Variants in GABRB2 observed in about 807,000 individuals in gnomAD.
The protein encoded by GABRB2 is gamma-aminobutyric acid receptor subunit beta-2.
In GABRB2, 16 loss-of-function variants were observed where a neutral mutation model predicts 54.7. The ratio of observed to expected loss-of-function variants is 0.29; its 90% CI spans 0.20 to 0.44. The LOEUF (loss-of-function observed/expected upper bound fraction) is 0.44. Ranked by LOEUF, GABRB2 falls within the 20% of genes least tolerant of loss-of-function variation. GABRB2 has a pLI of 1.00. For synonymous variants in GABRB2, 244 were observed against 233.8 expected (o/e 1.04, Z -0.40); for missense variants, 355 against 644.0 (o/e 0.55, Z 4.86).
intron 4 of GABRB2, among the ~76,000 whole-genome samples, chr5:161,439,158 A>G (rs968083121): frequency 2.0e-5 from 3 of 152,240 alleles, no homozygotes; most frequent in African/African-American, 4.8e-5. Context: ...CATCAAGAGA[A>G]AAACAAACAA....
At chr5:161,379,849 CCA>C (rs1207605599) in intron 5 of GABRB2, among the ~76,000 whole-genome samples, 1 of 152,036 alleles carries the variant, frequency 6.6e-6, no homozygotes, top group Non-Finnish European at 1.5e-5. Context: ...GTTACCAGTG[CCA>C]CAGTGTGAAA....
At chr5:161,342,523 T>C (rs550014233) in intron 5 of GABRB2, among the ~76,000 whole-genome samples, 13 of 152,074 alleles carry the variant, frequency 8.5e-5, no homozygotes, top group Non-Finnish European at 8.8e-5. Flanking sequence ...AAAACAGTAG[T>C]TTAGGAAAAC....
intron 9 of GABRB2, among the ~76,000 whole-genome samples, chr5:161,326,001 C>T (rs986659797): frequency 3.9e-5 from 6 of 152,182 alleles, no homozygotes; most frequent in African/African-American, 1.2e-4. Flanking sequence ...GTTTAATTCA[C>T]CTATTCAATC....
At chr5:161,334,073 T>C (rs562257392) in intron 7 of GABRB2, among the ~76,000 whole-genome samples, 4 of 152,350 alleles carry the variant, frequency 2.6e-5, no homozygotes, top group African/African-American at 9.6e-5. Context: ...AAAGTAATGA[T>C]TGAATTGAGA....
intron 5 of GABRB2, among the ~76,000 whole-genome samples, chr5:161,349,575 C>T (rs1197965027): frequency 6.6e-6 from 1 of 152,024 alleles, no homozygotes; most frequent in Non-Finnish European, 1.5e-5. Flanking sequence ...TGCGGTGTTC[C>T]TTCTGAGATT....
intron 5 of GABRB2, among the ~76,000 whole-genome samples, chr5:161,343,482 C>A (rs974996282): frequency 6.6e-6 from 1 of 151,980 alleles, no homozygotes; most frequent in African/African-American, 2.4e-5. Context: ...GACCATATAT[C>A]TATTAAAATT....
intron 3 of GABRB2, among the ~76,000 whole-genome samples, chr5:161,538,695 G>A (rs1465403160): frequency 1.3e-5 from 2 of 152,038 alleles, no homozygotes; most frequent in African/African-American, 2.4e-5. Flanking sequence ...ATGGTGGCAC[G>A]TGCCTGTAGT....
At chr5:161,426,749 T>C (rs1400093110) in intron 4 of GABRB2, among the ~76,000 whole-genome samples, 1 of 152,120 alleles carries the variant, frequency 6.6e-6, no homozygotes, top group Non-Finnish European at 1.5e-5. Context: ...TAAATACTCA[T>C]GTTGGAAATT....
chr5:161,394,950 T>G (rs1181094550), intron 5 of GABRB2, among the ~76,000 whole-genome samples: 2 of 152,094 alleles, frequency 1.3e-5, no homozygotes, highest in East Asian at 3.8e-4. Flanking sequence ...TGCAAAAATC[T>G]TCAACAAAAT....
At chr5:161,348,221 G>T (rs1180154235) in intron 5 of GABRB2, among the ~76,000 whole-genome samples, 4 of 151,580 alleles carry the variant, frequency 2.6e-5, no homozygotes, top group Non-Finnish European at 5.9e-5. Flanking sequence ...ACCATGTTAG[G>T]AATTAAAACA....
Position 161,534,902 on chromosome 5 carries a change from C to T in GABRB2, c.237+10325G>A, listed in dbSNP as rs141357511. ...TTCATTCTCATTATTGAAAATTCAACGGAAAATTAGGTCTTGATAATAAAA... is the reference window on the plus strand; with the variant it reads ...TTCATTCTCATTATTGAAAATTCAATGGAAAATTAGGTCTTGATAATAAAA... On this transcript the variant is annotated intron_variant, in intron 3 of 9. Transcript: ENST00000393959. Among the ~76,000 whole-genome samples, 851 of 151,920 alleles carry T rather than the reference C, an allele frequency of 5.6e-3. 9 individuals carry two copies. The highest frequency in any genetic ancestry group is 0.02 in the African/African-American group (813 of 41,448).
intron 5 of GABRB2, among the ~76,000 whole-genome samples, chr5:161,406,958 G>A (rs776024194): frequency 1.3e-5 from 2 of 152,024 alleles, no homozygotes; most frequent in African/African-American, 2.4e-5. Context: ...TGTTGAAAAC[G>A]AGAACACTAA....
intron 3 of GABRB2, among the ~76,000 whole-genome samples, chr5:161,541,379 C>T (rs922777518): frequency 2.6e-5 from 4 of 152,134 alleles, no homozygotes; most frequent in Non-Finnish European, 5.9e-5. Context: ...CAAAAGTCAA[C>T]CTGTGCCTTG....
At chr5:161,375,298 C>T (rs1471412167) in intron 5 of GABRB2, among the ~76,000 whole-genome samples, 1 of 152,156 alleles carries the variant, frequency 6.6e-6, no homozygotes, top group Non-Finnish European at 1.5e-5. Context: ...CAGTGAGTGT[C>T]GCTTAAATAT....
At chr5:161,300,501 T>C (rs949398294) in intron 9 of GABRB2, among the ~76,000 whole-genome samples, 3 of 152,186 alleles carry the variant, frequency 2.0e-5, no homozygotes, top group Non-Finnish European at 4.4e-5. Flanking sequence ...ATTTTAACAA[T>C]TCTGGGTTGT....
intron 4 of GABRB2, among the ~76,000 whole-genome samples, chr5:161,419,108 C>T (rs1008138292): frequency 1.3e-5 from 2 of 152,104 alleles, no homozygotes; most frequent in African/African-American, 4.8e-5. Context: ...GCCTGGGTGA[C>T]AGAGCGAGAC....
chr5:161,463,294 A>C lies in GABRB2; in HGVS notation c.238-3450T>G, dbSNP rs916358953. On this transcript the variant is annotated intron_variant, in intron 3 of 9. Transcript: ENST00000393959. ...TTCTTCTTCCTCTTGTACTCCTTAA[A>C]GTAGCATGCATGTACACACACACCA... Among the ~76,000 whole-genome samples the C allele has an allele frequency of 2.1e-5, 3 of 144,330 alleles. No homozygotes were observed. The East Asian group carries it at 6.2e-4, about 30-fold the overall frequency. 94.7% of individuals were successfully genotyped at this position (144,330 alleles called of 152,430 possible).
chr5:161,396,408 G>A (rs1340669220), intron 5 of GABRB2, among the ~76,000 whole-genome samples: 7 of 152,174 alleles, frequency 4.6e-5, no homozygotes, highest in Non-Finnish European at 1.0e-4. Context: ...TGGAAAAATG[G>A]ATACAGCATT....
chr5:161,531,692 ATCT>A (rs1361951000), intron 3 of GABRB2, among the ~76,000 whole-genome samples: 1 of 151,952 alleles, frequency 6.6e-6, no homozygotes, highest in Non-Finnish European at 1.5e-5. Flanking sequence ...ACCAACTGTA[ATCT>A]TCCATTATTA....
Sources: allele counts gnomAD v4.1 joint callset (sites outside exome capture counted in the v4.1 genomes callset), GRCh38; gene constraint gnomAD v4.1.1; transcripts MANE v1.5; gene names NCBI Gene and HGNC (gene_info 2026-07-23, HGNC 2026-07-21).